CCL5: variants seen among roughly 807,000 people sequenced by gnomAD.
CCL5 encodes C-C motif chemokine ligand 5.
In CCL5, 5 loss-of-function variants were observed where a neutral mutation model predicts 9.0. The ratio of observed to expected loss-of-function variants is 0.55; its 90% CI spans 0.29 to 1.16. The LOEUF is 1.16. Among genes scored for constraint, CCL5 ranks in the 50% most tolerant of loss-of-function variants. The probability of loss-of-function intolerance (pLI) is 0.08; values close to 1 mark genes in which losing one functional copy is unlikely to be tolerated. For synonymous variants in CCL5, 66 were observed against 72.0 expected (o/e 0.92, Z 0.42); for missense variants, 183 against 183.2 (o/e 1.00, Z 0.01).
chr17:35,875,661 A>G (rs1225772817), intron 2 of CCL5: 6 of 973,460 alleles, frequency 6.2e-6, no homozygotes, highest in Non-Finnish European at 4.9e-6. Flanking sequence ...TCAAAAGGCC[A>G]GGAAAACAAT....
chr17:35,874,014 A>G (rs2088410979), intron 3 of CCL5, among the ~76,000 whole-genome samples: 1 of 152,194 alleles, frequency 6.6e-6, no homozygotes, highest in African/African-American at 2.4e-5. Flanking sequence ...GGGTCAGTCC[A>G]GCTGCCTGCC....
rs2088474431 is a variant in CCL5, at chr17:35,878,624, G to A, written c.92C>T (p.Thr31Ile). 6.2e-7 allele frequency: 1 copy of A among 1,612,582 alleles called. No homozygotes were observed. ...GGCAATGTAGGCAAAGCAGCAGGGT[G>A]TGGTGTCCGAGGAATCTGGAAGAGG... Residue 31 changes from threonine to isoleucine, a missense_variant, in exon 2 of 4, where the codon ACA (threonine) becomes ATA (isoleucine). Physicochemically the swap from Thr to Ile is moderately conservative, Grantham distance 89. Coordinates refer to ENST00000651122, the MANE Select transcript of CCL5 (RefSeq NM_001278736.2).
At position 35,874,391 on chromosome 17, in the gene CCL5, G is replaced by T. The variant is rs1372566464; in HGVS notation, c.270+1170C>A. 2.6e-5 allele frequency among the ~76,000 whole-genome samples: 4 copies of T among 152,112 alleles called. No individual in the cohort carries two copies. In the South Asian group the frequency reaches 8.3e-4, roughly 32 times the overall value. On this transcript the variant is annotated intron_variant, in intron 3 of 3. Transcript: ENST00000651122. ...ACTCACTGCAGCCTCAACCTCCTGGGCTCAAGTGATCCTCCCACCTTAGCC... is the reference window on the plus strand; with the variant it reads ...ACTCACTGCAGCCTCAACCTCCTGGTCTCAAGTGATCCTCCCACCTTAGCC...
chr17:35,877,680 G>A (rs28914803), intron 2 of CCL5, among the ~76,000 whole-genome samples: 2,204 of 152,276 alleles, frequency 0.014, 22 homozygotes, highest in South Asian at 0.025. Context: ...CACATAGTAG[G>A]CATTTCCTAT....
At position 35,880,298 on chromosome 17, in the gene CCL5, A is replaced by C; in HGVS notation, c.8T>G (p.Val3Gly). Residue 3 changes from valine to glycine, a missense_variant, in exon 1 of 4, where the codon GTC becomes GGC. Physicochemically the swap from Val to Gly is moderately radical, Grantham distance 109 (BLOSUM62 -3). Transcript: ENST00000651122. ...GATGACAGCGAGGGCTGCCGCGGAG[A>C]CCTTCATGGTACCTGTGGGAGAGGC... 6.2e-7 allele frequency: 1 copy of C among 1,612,080 alleles called. No individual in the cohort carries two copies. The highest frequency in any genetic ancestry group is 8.5e-7 in the Non-Finnish European group (1 of 1,179,190).
chr17:35,878,264 C>T (rs2088467419), intron 2 of CCL5, among the ~76,000 whole-genome samples: 1 of 110,802 alleles, frequency 9.0e-6, no homozygotes, highest in South Asian at 3.0e-4. Context: ...GCCTGGGCGA[C>T]AGAGTGAGAC....
intron 2 of CCL5, among the ~76,000 whole-genome samples, chr17:35,878,056 G>A (rs531864874): frequency 6.6e-6 from 1 of 151,704 alleles, no homozygotes; most frequent in South Asian, 2.1e-4. Flanking sequence ...AGGCTGAGGC[G>A]GGTAGATCAC....
intron 1 of CCL5, among the ~76,000 whole-genome samples, chr17:35,879,250 G>A (rs1360606556): frequency 6.6e-6 from 1 of 152,146 alleles, no homozygotes; most frequent in Admixed American, 6.5e-5. Flanking sequence ...CTAGCTGTGT[G>A]CCTCCATGGA....
chr17:35,875,722 G>A (rs1305766111), intron 2 of CCL5: 6 of 458,294 alleles, frequency 1.3e-5, no homozygotes, highest in Non-Finnish European at 1.7e-5. Flanking sequence ...CAACCTCCCC[G>A]CAGACTGTGA....
chr17:35,879,775 C>G (rs1282470399), intron 1 of CCL5, among the ~76,000 whole-genome samples: 2 of 152,010 alleles, frequency 1.3e-5, no homozygotes, highest in African/African-American at 4.8e-5. Context: ...AAGCCACATA[C>G]CCTCTCATAA....
chr17:35,873,214 G>T (rs765646109), intron 3 of CCL5, among the ~76,000 whole-genome samples: 71 of 139,806 alleles, frequency 5.1e-4, no homozygotes, highest in Non-Finnish European at 8.9e-4. Flanking sequence ...CTTTGAGACG[G>T]AGTCTCACTG....
intron 1 of CCL5, among the ~76,000 whole-genome samples, chr17:35,879,376 T>C (rs1184435539): frequency 1.3e-5 from 2 of 152,178 alleles, no homozygotes; most frequent in East Asian, 1.9e-4. Context: ...GGCTCACGCC[T>C]GTAATCCCAG....
chr17:35,875,887 T>C (rs1173803541), intron 2 of CCL5, among the ~76,000 whole-genome samples: 1 of 152,222 alleles, frequency 6.6e-6, no homozygotes, highest in Non-Finnish European at 1.5e-5. Context: ...TTCCTAAGTC[T>C]CTGGCCCTGG....
Position 35,871,979 on chromosome 17 carries a change from T to C in CCL5, c.*291A>G, listed in dbSNP as rs1488211888. The C allele has an allele frequency of 7.1e-6, 1 of 140,622 alleles. No homozygotes were observed. The highest frequency in any genetic ancestry group is 1.5e-5 in the Non-Finnish European group (1 of 67,050). 8.7% of individuals were successfully genotyped at this position (140,622 alleles called of 1,614,324 possible). ...CTCTGTCGCCCAGGCTGGAGTGCAG[T>C]GGCGCGATCTCGGCTCACTGCAAGC... is the stretch of plus-strand genomic sequence containing the variant. On this transcript the variant is annotated 3_prime_UTR_variant, in exon 4 of 4. Transcript: ENST00000651122.
At chr17:35,875,187 G>C (rs2088427155) in intron 3 of CCL5, among the ~76,000 whole-genome samples, 1 of 152,082 alleles carries the variant, frequency 6.6e-6, no homozygotes, top group Admixed American at 6.5e-5. Flanking sequence ...GTATTGGTGT[G>C]TCTGTCAAAG....
intron 3 of CCL5, among the ~76,000 whole-genome samples, chr17:35,874,418 C>T (rs896620016): frequency 6.6e-6 from 1 of 152,140 alleles, no homozygotes; most frequent in African/African-American, 2.4e-5. Flanking sequence ...ACCTTAGCCT[C>T]CTGAGTAGCT....
At chr17:35,878,699 T>C (rs1598627134) in intron 1 of CCL5, 60 bp from the exon 2 acceptor site, 1 of 924,490 alleles carries the variant, frequency 1.1e-6, no homozygotes, top group South Asian at 1.5e-5. Flanking sequence ...CACTTGACAT[T>C]GTGCTGGACA....
Position 35,878,632 on chromosome 17 carries a change from C to T in CCL5, c.84G>A (p.Ser28=), listed in dbSNP as rs765912879. 6.2e-6 allele frequency: 10 copies of T among 1,609,726 alleles called. No individual in the cohort carries two copies. Among genetic ancestry groups the T allele is most frequent in the Admixed American group, 5.0e-5 (3 of 59,744 alleles). Residue 28 remains serine (S), a synonymous_variant, in exon 2 of 4, where the codon TCG becomes TCA. Coordinates refer to ENST00000651122, the MANE Select transcript of CCL5 (RefSeq NM_001278736.2). ...AGGCAAAGCAGCAGGGTGTGGTGTC[C>T]GAGGAATCTGGAAGAGGAAAGGAAG...
chr17:35,872,976 G>C (rs930806446), intron 3 of CCL5, among the ~76,000 whole-genome samples: 1 of 145,896 alleles, frequency 6.9e-6, no homozygotes, highest in African/African-American at 2.6e-5. Flanking sequence ...TGCAACTTTC[G>C]CCTCCCGGGT....
Sources: allele counts gnomAD v4.1 joint callset (sites outside exome capture counted in the v4.1 genomes callset), GRCh38; gene constraint gnomAD v4.1.1; transcripts MANE v1.5; gene names NCBI Gene and HGNC (gene_info 2026-07-23, HGNC 2026-07-21).